FBXL13: variants seen among roughly 807,000 people sequenced by gnomAD.
FBXL13 encodes the protein F-box and leucine rich repeat protein 13.
A neutral mutation model predicts 83.6 loss-of-function variants in FBXL13; 67 were observed. The observed-to-expected ratio is 0.80, with a 90% CI of 0.66 to 0.98. FBXL13 has a LOEUF of 0.98. Ranked by LOEUF, FBXL13 falls within the 50% of genes least tolerant of loss-of-function variation. The probability of loss-of-function intolerance (pLI) is 0.00; values close to 1 mark genes in which losing one functional copy is unlikely to be tolerated. For synonymous variants in FBXL13, 272 were observed against 299.5 expected (o/e 0.91, Z 0.95); for missense variants, 822 against 866.5 (o/e 0.95, Z 0.64).
At chr7:102,952,636 CAGA>C (rs1440274555) in intron 8 of FBXL13, among the ~76,000 whole-genome samples, 1 of 152,040 alleles carries the variant, frequency 6.6e-6, no homozygotes, top group African/African-American at 2.4e-5. Context: ...CGAGAAGAAA[CAGA>C]AGATCTAAAT....
intron 1 of FBXL13, among the ~76,000 whole-genome samples, chr7:103,066,505 C>A (rs1473691216): frequency 1.3e-5 from 2 of 152,004 alleles, no homozygotes; most frequent in African/African-American, 4.8e-5. Flanking sequence ...CATTCTCCTG[C>A]CTCAGCCTCC....
At chr7:102,981,073 A>G (rs1828150508) in intron 6 of FBXL13, among the ~76,000 whole-genome samples, 1 of 152,054 alleles carries the variant, frequency 6.6e-6, no homozygotes, top group Non-Finnish European at 1.5e-5. Context: ...GGTGGCCTGA[A>G]AGCTGTACTT....
exon 10 of FBXL13, chr7:102,926,358 T>C: frequency 6.2e-7 from 1 of 1,613,536 alleles, no homozygotes; most frequent in Admixed American, 1.7e-5. Flanking sequence ...CTCAGAAATG[T>C]GTCTCATTGA....
intron 6 of FBXL13, among the ~76,000 whole-genome samples, chr7:103,021,762 G>A (rs533542018): frequency 6.6e-6 from 1 of 152,272 alleles, no homozygotes; most frequent in East Asian, 1.9e-4. Flanking sequence ...TCAGAGAAAT[G>A]CAAATCAAAA....
chr7:102,825,105 T>A (rs753290852), intron 18 of FBXL13, among the ~76,000 whole-genome samples: 32 of 152,244 alleles, frequency 2.1e-4, no homozygotes, highest in Non-Finnish European at 4.3e-4. Context: ...TTTTGATGAC[T>A]GTTCATAAAT....
rs113554593 is a variant in FBXL13 at position 103,032,616 on chromosome 7, G to A, written c.1-3198C>T. 5.3e-5 allele frequency among the ~76,000 whole-genome samples: 8 copies of A among 152,332 alleles called. No homozygotes were observed. The East Asian group carries it at 1.5e-3, about 29-fold the overall frequency. On this transcript the variant is annotated intron_variant, in intron 2 of 19. Coordinates refer to ENST00000313221, the Ensembl canonical transcript of FBXL13. ...GGATTTCAATAGCTACAGAAAAAAA[G>A]TTTTAGTTTTTCCTTCTCCTTTTCT...
chr7:103,056,527 C>T (rs1328087642), intron 1 of FBXL13, among the ~76,000 whole-genome samples: 2 of 152,048 alleles, frequency 1.3e-5, no homozygotes, highest in East Asian at 1.9e-4. Context: ...GGTGCTATCT[C>T]GGCTCACTGC....
chr7:103,059,307 CTGTT>C (rs200557390), intron 1 of FBXL13, among the ~76,000 whole-genome samples: 221 of 152,256 alleles, frequency 1.5e-3, no homozygotes, highest in Admixed American at 0.011. Context: ...AGAAATCTCA[CTGTT>C]TGTCTTTTTC....
chr7:102,861,982 C>CAAAA (rs59375342), intron 16 of FBXL13, among the ~76,000 whole-genome samples: 2 of 120,054 alleles, frequency 1.7e-5, no homozygotes, highest in Non-Finnish European at 1.8e-5. Context: ...ACTGTGTCTC[C>CAAAA]AAAAAAAAAA....
intron 17 of FBXL13, among the ~76,000 whole-genome samples, chr7:102,837,122 C>T (rs912141600): frequency 6.6e-6 from 1 of 152,188 alleles, no homozygotes; most frequent in East Asian, 1.9e-4. Context: ...ATATCTACTT[C>T]GCATATCCCA....
chr7:103,063,137 G>C (rs1798078583), intron 1 of FBXL13, among the ~76,000 whole-genome samples: 1 of 152,126 alleles, frequency 6.6e-6, no homozygotes, highest in Admixed American at 6.5e-5. Context: ...GGCAAGAATA[G>C]TATAACGGAG....
At chr7:102,927,813 T>G (rs992015821) in intron 9 of FBXL13, among the ~76,000 whole-genome samples, 2 of 152,220 alleles carry the variant, frequency 1.3e-5, no homozygotes, top group Non-Finnish European at 2.9e-5. Flanking sequence ...TGTGTACAAT[T>G]TTTCCAAAAA....
At chr7:103,005,253 G>A (rs1654961204) in intron 6 of FBXL13, among the ~76,000 whole-genome samples, 1 of 152,146 alleles carries the variant, frequency 6.6e-6, no homozygotes, top group African/African-American at 2.4e-5. Context: ...GAACAGAAAA[G>A]GAAGCAAAAG....
At chr7:102,833,122 G>A (rs1801013127) in intron 17 of FBXL13, 148 bp from the exon 19 acceptor site, 1 of 803,126 alleles carries the variant, frequency 1.2e-6, no homozygotes, top group African/African-American at 1.7e-5. Context: ...AAAAACCCAT[G>A]TTACATCCAA....
At chr7:102,963,122 C>T (rs1204743620) in intron 8 of FBXL13, among the ~76,000 whole-genome samples, 1 of 151,070 alleles carries the variant, frequency 6.6e-6, no homozygotes, top group Non-Finnish European at 1.5e-5. Context: ...AGTTTGAGAC[C>T]AGCCTGGCCA....
intron 17 of FBXL13, among the ~76,000 whole-genome samples, chr7:102,840,967 A>C (rs906576111): frequency 2.0e-5 from 3 of 152,174 alleles, no homozygotes; most frequent in Non-Finnish European, 4.4e-5. Flanking sequence ...GTATGTGATG[A>C]GGGCTTTAGG....
Position 102,924,924 on chromosome 7 carries a change from C to T in FBXL13, c.878+1350G>A, listed in dbSNP as rs183372373. 3.7e-3 allele frequency among the ~76,000 whole-genome samples: 567 copies of T among 152,106 alleles called. 5 individuals are homozygous for T. The highest frequency in any genetic ancestry group is 0.013 in the African/African-American group (559 of 41,504). On this transcript the variant is annotated intron_variant, in intron 10 of 19. Coordinates refer to ENST00000313221, the Ensembl canonical transcript of FBXL13. Reference sequence around the variant, plus strand: ...GATTACAGGCGTGAGCCACCGTGCCCGGCCTGTGTAAGCTTTTCTAAATGT... The same window carrying T: ...GATTACAGGCGTGAGCCACCGTGCCTGGCCTGTGTAAGCTTTTCTAAATGT...
At chr7:102,822,430 A>T (rs1345756227) in intron 18 of FBXL13, 1 of 650,016 alleles carries the variant, frequency 1.5e-6, no homozygotes, top group East Asian at 3.1e-5. Flanking sequence ...AGATGCCTCC[A>T]TTCTTGCTAT....
chr7:102,931,923 C>G (rs1249716868), exon 9 of FBXL13: 3 of 1,613,542 alleles, frequency 1.9e-6, no homozygotes, highest in Non-Finnish European at 2.5e-6. Context: ...CTTGCAAGTT[C>G]CTACAGTGGC....
Sources: allele counts gnomAD v4.1 joint callset (sites outside exome capture counted in the v4.1 genomes callset), GRCh38; gene constraint gnomAD v4.1.1; transcripts MANE v1.5; gene names NCBI Gene and HGNC (gene_info 2026-07-23, HGNC 2026-07-21).